The following TEX10 variants were observed in gnomAD, a reference collection of about 807,000 sequenced individuals.
The protein encoded by TEX10 is testis expressed 10.
In TEX10, 24 loss-of-function variants were observed where a neutral mutation model predicts 104.4. That is an observed-to-expected ratio of 0.23 (90% CI 0.17 to 0.32). TEX10 has a LOEUF of 0.32. Ranked by LOEUF, TEX10 falls within the 10% of genes least tolerant of loss-of-function variation. The probability of loss-of-function intolerance (pLI) is 1.00; values close to 1 mark genes in which losing one functional copy is unlikely to be tolerated. For synonymous variants in TEX10, 396 were observed against 393.4 expected (o/e 1.01, Z -0.08); for missense variants, 921 against 1,083.9 (o/e 0.85, Z 2.11).
chr9:100,325,329 CA>C (rs1834679093), intron 9 of TEX10, among the ~76,000 whole-genome samples: 1 of 152,112 alleles, frequency 6.6e-6, no homozygotes, highest in Non-Finnish European at 1.5e-5. Flanking sequence ...AGGATACTTC[CA>C]ACATGAGCAA....
chr9:100,316,906 A>AC (rs1564205965), intron 11 of TEX10, among the ~76,000 whole-genome samples: 3 of 149,392 alleles, frequency 2.0e-5, no homozygotes, highest in Non-Finnish European at 4.5e-5. Context: ...AAAAAAAAAA[A>AC]AAAAAAAAAA....
intron 4 of TEX10, among the ~76,000 whole-genome samples, chr9:100,345,855 C>T (rs1011316917): frequency 2.5e-5 from 3 of 119,834 alleles, no homozygotes; most frequent in Non-Finnish European, 3.3e-5. Context: ...GCATGAGTTA[C>T]GCATTTCACT....
At chr9:100,332,108 A>T (rs1437470454) in intron 5 of TEX10, among the ~76,000 whole-genome samples, 1 of 152,244 alleles carries the variant, frequency 6.6e-6, no homozygotes, top group Non-Finnish European at 1.5e-5. Flanking sequence ...AATTCAATGT[A>T]CAAGTCTGAC....
chr9:100,348,719 G>C (rs1368544081), intron 2 of TEX10, among the ~76,000 whole-genome samples: 1 of 152,096 alleles, frequency 6.6e-6, no homozygotes, highest in African/African-American at 2.4e-5. Flanking sequence ...TTTGAGACCA[G>C]CCTGGGCAAC....
chr9:100,348,011 T>C (rs1415656677), intron 2 of TEX10, among the ~76,000 whole-genome samples: 8 of 152,226 alleles, frequency 5.3e-5, no homozygotes, highest in African/African-American at 1.9e-4. Flanking sequence ...AACTAAATGT[T>C]CATCAACTGC....
At chr9:100,326,893 A>G (rs960896547) in intron 8 of TEX10, among the ~76,000 whole-genome samples, 2 of 152,206 alleles carry the variant, frequency 1.3e-5, no homozygotes, top group African/African-American at 2.4e-5. Flanking sequence ...TGAAAAATAC[A>G]TATTTAAAAC....
At chr9:100,351,092 G>A (rs1343419121) in intron 1 of TEX10, among the ~76,000 whole-genome samples, 1 of 152,042 alleles carries the variant, frequency 6.6e-6, no homozygotes, top group South Asian at 2.1e-4. Context: ...TAGATGCATT[G>A]TGTACCTCAG....
intron 14 of TEX10, among the ~76,000 whole-genome samples, chr9:100,303,405 G>C (rs1834058555): frequency 6.7e-6 from 1 of 149,168 alleles, no homozygotes; most frequent in Non-Finnish European, 1.5e-5. Flanking sequence ...ATTATTTTAA[G>C]ACTTTTATTA....
chr9:100,317,800 C>G (rs1196677600), intron 11 of TEX10, among the ~76,000 whole-genome samples: 1 of 151,848 alleles, frequency 6.6e-6, no homozygotes, highest in African/African-American at 2.4e-5. Flanking sequence ...ATCAAATAAC[C>G]CCGTTAAAAA....
intron 6 of TEX10, among the ~76,000 whole-genome samples, chr9:100,329,720 T>C (rs186942061): frequency 6.6e-6 from 1 of 152,234 alleles, no homozygotes; most frequent in African/African-American, 2.4e-5. Flanking sequence ...GAAATCTTTA[T>C]CAATCTGCTT....
intron 5 of TEX10, among the ~76,000 whole-genome samples, chr9:100,331,624 C>T (rs866839012): frequency 3.9e-5 from 6 of 152,090 alleles, no homozygotes; most frequent in Non-Finnish European, 7.4e-5. Context: ...AGACCCGGAA[C>T]GACAAATGAG....
intron 9 of TEX10, among the ~76,000 whole-genome samples, chr9:100,323,906 T>C (rs986593013): frequency 3.3e-5 from 5 of 152,142 alleles, no homozygotes; most frequent in South Asian, 4.1e-4. Context: ...AGAAGCAACA[T>C]TGTAAGAGTA....
chr9:100,303,449 C>A (rs199619371), intron 14 of TEX10, among the ~76,000 whole-genome samples, 183 bp downstream of exon 14: 1 of 144,104 alleles, frequency 6.9e-6, no homozygotes, highest in African/African-American at 2.6e-5. Context: ...CCCCCCCCCC[C>A]ATTAAGTCAC....
intron 5 of TEX10, among the ~76,000 whole-genome samples, chr9:100,340,056 C>T (rs1255655002): frequency 1.3e-5 from 2 of 152,056 alleles, no homozygotes; most frequent in African/African-American, 4.8e-5. Flanking sequence ...ATTTTACAGA[C>T]TAAAAAATAA....
intron 9 of TEX10, among the ~76,000 whole-genome samples, chr9:100,325,515 T>C (rs1469167063): frequency 6.6e-6 from 1 of 152,124 alleles, no homozygotes; most frequent in African/African-American, 2.4e-5. Flanking sequence ...GAGTGAGAAC[T>C]TGTCTCTTGA....
Position 100,308,612 on chromosome 9 carries a change from G to C in TEX10, c.2353C>G (p.His785Asp). ...AGAGTCTCACTAACTACACAAGTAT[G>C]ATCCAGGAGCTTACAGATAACACCA... ...VFGVICKLLD[H>D]TCVVSETLLP... The change falls in exon 13 of 15, where the codon CAT becomes GAT. Residue 785 changes from histidine (H) to aspartate (D), a missense_variant. Physicochemically the swap from His to Asp is moderately conservative, Grantham distance 81 (BLOSUM62 -1). Transcript: ENST00000374902. 6.2e-7 allele frequency: 1 copy of C among 1,612,728 alleles called. No homozygotes were observed. The highest frequency in any genetic ancestry group is 8.5e-7 in the Non-Finnish European group (1 of 1,179,280).
At chr9:100,316,306 AT>A (rs1180759258) in intron 11 of TEX10, among the ~76,000 whole-genome samples, 16 of 152,206 alleles carry the variant, frequency 1.1e-4, no homozygotes, top group Admixed American at 1.0e-3. Context: ...CAAAAAATGC[AT>A]TTGATAAAAT....
intron 4 of TEX10, among the ~76,000 whole-genome samples, 183 bp from the exon 5 acceptor site, chr9:100,340,552 A>G (rs910750817): frequency 1.9e-4 from 29 of 152,218 alleles, no homozygotes; most frequent in Non-Finnish European, 4.1e-4. Flanking sequence ...CTTTTCATCT[A>G]TAGATCCTTT....
At chr9:100,331,567 GA>G (rs1834863786) in intron 5 of TEX10, among the ~76,000 whole-genome samples, 1 of 152,212 alleles carries the variant, frequency 6.6e-6, no homozygotes, top group Non-Finnish European at 1.5e-5. Context: ...ACAAATACAT[GA>G]GAAGGGAAAT....
Sources: allele counts gnomAD v4.1 joint callset (sites outside exome capture counted in the v4.1 genomes callset), GRCh38; gene constraint gnomAD v4.1.1; transcripts MANE v1.5; gene names NCBI Gene and HGNC (gene_info 2026-07-23, HGNC 2026-07-21).